Variants in PKHD1 observed in about 807,000 individuals in gnomAD.
The protein encoded by PKHD1 is fibrocystin.
A neutral mutation model predicts 412.0 loss-of-function variants in PKHD1; 291 were observed. The observed-to-expected ratio is 0.71, with a 90% CI of 0.64 to 0.78. The LOEUF is 0.78. Ranked by LOEUF, PKHD1 falls within the 30% of genes least tolerant of loss-of-function variation. The pLI is 0.00. For synonymous variants in PKHD1, 1,777 were observed against 1,821.5 expected, an observed-to-expected ratio of 0.98 and a Z score of 0.62; for missense variants, 4,825 against 4,950.7, an observed-to-expected ratio of 0.97 and a Z score of 0.76.
chr6:51,688,397 C>T (rs1777719436), intron 60 of PKHD1, among the ~76,000 whole-genome samples: 1 of 151,970 alleles, frequency 6.6e-6, no homozygotes, highest in South Asian at 2.1e-4. Flanking sequence ...AAGTTAACAA[C>T]CTAATATCAC....
chr6:52,057,361 A>G (rs1453734581), intron 16 of PKHD1, among the ~76,000 whole-genome samples: 1 of 151,952 alleles, frequency 6.6e-6, no homozygotes, highest in Middle Eastern at 3.2e-3. Context: ...CTTTGCTTCC[A>G]ACACATCAAC....
At chr6:51,958,402 T>C (rs1791481661) in intron 36 of PKHD1, among the ~76,000 whole-genome samples, 1 of 152,126 alleles carries the variant, frequency 6.6e-6, no homozygotes, top group African/African-American at 2.4e-5. Context: ...ATTGCTCAGA[T>C]ATTTAAATCC....
intron 48 of PKHD1, among the ~76,000 whole-genome samples, chr6:51,863,403 C>T (rs754724844): frequency 5.9e-5 from 9 of 152,160 alleles, no homozygotes; most frequent in African/African-American, 9.7e-5. Flanking sequence ...CTGTTGATAT[C>T]TCAATGAGTC....
intron 50 of PKHD1, among the ~76,000 whole-genome samples, chr6:51,837,816 T>C (rs1769504240): frequency 1.3e-5 from 2 of 152,228 alleles, no homozygotes; most frequent in Admixed American, 1.3e-4. Context: ...TCTCTAATCT[T>C]ATTTTGGTCA....
intron 35 of PKHD1, among the ~76,000 whole-genome samples, chr6:51,963,651 G>C (rs887115704): frequency 1.3e-5 from 2 of 151,968 alleles, no homozygotes; most frequent in Admixed American, 1.3e-4. Flanking sequence ...CCAGGGAAAT[G>C]CTCCATGAAA....
chr6:51,946,102 A>T (rs981612913), intron 36 of PKHD1, among the ~76,000 whole-genome samples: 4 of 152,248 alleles, frequency 2.6e-5, no homozygotes, highest in African/African-American at 9.6e-5. Context: ...ACCATGAAGC[A>T]AAATGTTAAA....
At chr6:51,891,716 C>G (rs1779151253) in intron 43 of PKHD1, among the ~76,000 whole-genome samples, 1 of 134,658 alleles carries the variant, frequency 7.4e-6, no homozygotes, top group African/African-American at 3.1e-5. Flanking sequence ...ACAAGGAACA[C>G]ACACACACAC....
intron 60 of PKHD1, among the ~76,000 whole-genome samples, chr6:51,710,515 A>G (rs1780530944): frequency 6.6e-6 from 1 of 152,196 alleles, no homozygotes; most frequent in Non-Finnish European, 1.5e-5. Context: ...ACTTATTTAT[A>G]CATGAATCTT....
intron 55 of PKHD1, among the ~76,000 whole-genome samples, chr6:51,771,376 C>T (rs1358322246): frequency 6.6e-6 from 1 of 152,070 alleles, no homozygotes; most frequent in Non-Finnish European, 1.5e-5. Flanking sequence ...AATCCCAGGC[C>T]TTTGGGAGGC....
At position 52,065,944 on chromosome 6, in the gene PKHD1, T is replaced by C. The variant is rs1809625465; in HGVS notation, c.880+32A>G. ...TAATCTCCTAGAGCATCTAAAACTA[T>C]GAACTATTTTCAGCCATTTCATCAT... On this transcript the variant is annotated intron_variant, in intron 12 of 66. Coordinates refer to ENST00000371117, the MANE Select transcript of PKHD1 (RefSeq NM_138694.4). 5 of 1,014,088 alleles carry C rather than the reference T, an allele frequency of 4.9e-6. No individual in the cohort carries two copies. In the Admixed American group the frequency reaches 6.7e-5, roughly 14 times the overall value. 62.8% of individuals were successfully genotyped at this position (1,014,088 alleles called of 1,614,324 possible).
intron 22 of PKHD1, among the ~76,000 whole-genome samples, chr6:52,048,988 T>G (rs1210634101): frequency 6.6e-6 from 1 of 152,222 alleles, no homozygotes; most frequent in Non-Finnish European, 1.5e-5. Flanking sequence ...GGGTTCAAAC[T>G]TTCTGCACCT....
intron 48 of PKHD1, among the ~76,000 whole-genome samples, chr6:51,858,102 A>G (rs1773579811): frequency 6.6e-6 from 1 of 152,194 alleles, no homozygotes; most frequent in African/African-American, 2.4e-5. Context: ...ATGAACACAA[A>G]GATCATCTGT....
At chr6:51,826,593 T>C (rs896368377) in intron 52 of PKHD1, among the ~76,000 whole-genome samples, 1 of 152,150 alleles carries the variant, frequency 6.6e-6, no homozygotes, top group African/African-American at 2.4e-5. Context: ...TCCTACTACT[T>C]AAGAAGTTGA....
intron 60 of PKHD1, chr6:51,741,137 G>C (rs1013376171): frequency 1.9e-6 from 1 of 518,898 alleles, no homozygotes; most frequent in African/African-American, 1.9e-5. Context: ...ATTGCAACCA[G>C]CAGCAAGAAC....
intron 60 of PKHD1, among the ~76,000 whole-genome samples, chr6:51,667,822 T>C (rs1180342064): frequency 2.0e-5 from 3 of 151,030 alleles, no homozygotes. Flanking sequence ...CCATTGCTTG[T>C]TTTTCTCAGG....
chr6:52,016,386 A>G (rs2128128147), intron 34 of PKHD1, among the ~76,000 whole-genome samples: 1 of 152,290 alleles, frequency 6.6e-6, no homozygotes, highest in Middle Eastern at 3.4e-3. Context: ...CTATAATCCT[A>G]GCACTTTGGG....
intron 63 of PKHD1, among the ~76,000 whole-genome samples, chr6:51,647,007 G>A (rs1439668818): frequency 6.6e-6 from 1 of 152,114 alleles, no homozygotes; most frequent in Admixed American, 6.5e-5. Context: ...ATGGTCCCCA[G>A]AGTCCTCTGT....
chr6:51,791,182 C>A, intron 53 of PKHD1, 54 bp downstream of exon 53: 3 of 1,575,102 alleles, frequency 1.9e-6, no homozygotes, highest in Non-Finnish European at 1.7e-6. Context: ...CCCAGAGCCC[C>A]TTCTCACAGA....
At chr6:51,761,179 C>T (rs560905739) in intron 55 of PKHD1, among the ~76,000 whole-genome samples, 56 of 152,098 alleles carry the variant, frequency 3.7e-4, no homozygotes, top group African/African-American at 1.3e-3. Flanking sequence ...AATCTAGGTG[C>T]CCATCGACAA....
Sources: allele counts gnomAD v4.1 joint callset (sites outside exome capture counted in the v4.1 genomes callset), GRCh38; gene constraint gnomAD v4.1.1; transcripts MANE v1.5; gene names NCBI Gene and HGNC (gene_info 2026-07-23, HGNC 2026-07-21).